SULF2: variants seen among roughly 807,000 people sequenced by gnomAD.
SULF2 encodes sulfatase 2, also known as extracellular sulfatase Sulf-2.
SULF2 carries 52 observed loss-of-function variants against 107.7 expected under a neutral mutation model. That is an observed-to-expected ratio of 0.48 (90% CI 0.39 to 0.61). SULF2 has a LOEUF of 0.61. Among genes scored for constraint, SULF2 ranks in the 20% least tolerant of loss-of-function variants. SULF2 has a pLI of 0.00. For missense variants in SULF2, 993 were observed against 1,177.3 expected (o/e 0.84, Z 2.29); for synonymous variants, 460 against 464.3 (o/e 0.99, Z 0.12).
intron 14 of SULF2, among the ~76,000 whole-genome samples, 155 bp downstream of exon 14, chr20:47,665,044 C>A (rs565257808): frequency 6.6e-6 from 1 of 152,240 alleles, no homozygotes; most frequent in Admixed American, 6.5e-5. Flanking sequence ...CACTGGCTGA[C>A]AACAGGGAGG....
intron 2 of SULF2, among the ~76,000 whole-genome samples, chr20:47,741,126 C>T (rs941221817): frequency 6.6e-6 from 1 of 152,194 alleles, no homozygotes; most frequent in African/African-American, 2.4e-5. Context: ...TCACTTATTC[C>T]CCACGGTGTA....
At chr20:47,731,514 A>C (rs537235494) in intron 3 of SULF2, among the ~76,000 whole-genome samples, 3 of 152,118 alleles carry the variant, frequency 2.0e-5, no homozygotes, top group African/African-American at 7.2e-5. Context: ...CAAAAAATTC[A>C]ATGTTTTTGA....
intron 3 of SULF2, among the ~76,000 whole-genome samples, chr20:47,719,332 C>T (rs2089219877): frequency 6.6e-6 from 1 of 152,162 alleles, no homozygotes; most frequent in Non-Finnish European, 1.5e-5. Flanking sequence ...GAGGGGTACA[C>T]CAGGTGGTGT....
chr20:47,757,871 C>T (rs566712564), intron 1 of SULF2, among the ~76,000 whole-genome samples: 7 of 152,244 alleles, frequency 4.6e-5, no homozygotes, highest in East Asian at 1.9e-4. Flanking sequence ...CTGCCCGCAC[C>T]GTGGGGTACA....
chr20:47,680,541 C>A lies in SULF2; in HGVS notation c.1065-1737G>T, dbSNP rs1298848896. Reference sequence around the variant, plus strand: ...CCTTCCCCGCTAGTTCCCTGGGGACCAGGGCAGGGCCTGGGTCCTAGGGTT... The same window carrying A: ...CCTTCCCCGCTAGTTCCCTGGGGACAAGGGCAGGGCCTGGGTCCTAGGGTT... On this transcript the variant is annotated intron_variant, in intron 7 of 20. Coordinates refer to ENST00000688720, the MANE Select transcript of SULF2 (RefSeq NM_001387048.1). This position sits in a 1 kb window ranked among gnomAD's most constrained non-coding sequence, Gnocchi z 4.2. 6.6e-6 allele frequency among the ~76,000 whole-genome samples: 1 copy of A among 152,238 alleles called. No homozygotes were observed. The highest frequency in any genetic ancestry group is 1.5e-5 in the Non-Finnish European group (1 of 68,036).
intron 3 of SULF2, among the ~76,000 whole-genome samples, chr20:47,706,052 G>C (rs1461657539): frequency 1.3e-5 from 2 of 152,036 alleles, no homozygotes; most frequent in Non-Finnish European, 2.9e-5. Context: ...ACCTGCCTCG[G>C]CCTCCCAAAG....
Position 47,672,299 on chromosome 20 carries a change from A to G in SULF2, c.1475T>C (p.Leu492Pro), listed in dbSNP as rs1489139525. 1 of 1,613,316 alleles carries G rather than the reference A, an allele frequency of 6.2e-7. No homozygotes were observed. Among genetic ancestry groups the G allele is most frequent in the Non-Finnish European group, 8.5e-7 (1 of 1,179,986 alleles). The change falls in exon 11 of 21, where the codon CTC (leucine) becomes CCC (proline). Residue 492 changes from leucine to proline, a missense_variant. By Grantham distance (98) the Leu-to-Pro change is moderately conservative. Transcript: ENST00000688720. Reference sequence around the variant, plus strand: ...GCCCTGCCCGTAGTACTTGGGCACGAGGTTGGAGAGGGCTCTGCTGCCGCC... The same window carrying G: ...GCCCTGCCCGTAGTACTTGGGCACGGGGTTGGAGAGGGCTCTGCTGCCGCC... ...RLGGSRALSN[L>P]VPKYYGQGSE...
At chr20:47,766,618 G>A (rs1192238507) in intron 1 of SULF2, among the ~76,000 whole-genome samples, 1 of 152,324 alleles carries the variant, frequency 6.6e-6, no homozygotes, top group South Asian at 2.1e-4. Context: ...TGTGGATAAA[G>A]CAGTGAAAAG....
intron 10 of SULF2, among the ~76,000 whole-genome samples, chr20:47,675,718 A>G (rs1056567053): frequency 6.6e-6 from 1 of 151,852 alleles, no homozygotes; most frequent in South Asian, 2.1e-4. Context: ...GCCAAGGCAG[A>G]GTTTCCATCC....
At chr20:47,665,400 G>T in intron 13 of SULF2, 107 bp from the exon 14 acceptor site, 2 of 803,890 alleles carry the variant, frequency 2.5e-6, no homozygotes, top group South Asian at 1.4e-5. Flanking sequence ...AGCAGCGGCA[G>T]CCTGCACTCC....
At chr20:47,769,377 T>C (rs1353276880) in intron 1 of SULF2, among the ~76,000 whole-genome samples, 1 of 150,756 alleles carries the variant, frequency 6.6e-6, no homozygotes, top group African/African-American at 2.4e-5. Context: ...TTTTTTTTTT[T>C]AGTAGAGACA....
At chr20:47,662,131 C>G (rs372564634) in intron 17 of SULF2, among the ~76,000 whole-genome samples, 8 of 152,320 alleles carry the variant, frequency 5.3e-5, no homozygotes, top group African/African-American at 1.9e-4. Flanking sequence ...AGAATAAAAA[C>G]CACGTCTGTG....
Position 47,777,407 on chromosome 20 carries a change from C to T in SULF2, c.-101+7936G>A, listed in dbSNP as rs751114946. Among the ~76,000 whole-genome samples, 26 of 152,226 alleles carry T rather than the reference C, an allele frequency of 1.7e-4. No individual in the cohort carries two copies. The South Asian group carries it at 2.7e-3, about 16-fold the overall frequency. ...AGTCCCACTTTGTAGGGTGATGCGA[C>T]GTCTGGAGCTGTGGCAGCCATATTG... On this transcript the variant is annotated intron_variant, in intron 1 of 20. Coordinates refer to ENST00000688720, the MANE Select transcript of SULF2 (RefSeq NM_001387048.1).
rs1162080693 is a variant in SULF2, at chr20:47,666,618, G to A, written c.1577-130C>T. Reference sequence around the variant, plus strand: ...AGGCTCAGCTTTGCCTGCGACTCGAGGGGTCGTGGAATCTACCCGCCTGCT... The same window carrying A: ...AGGCTCAGCTTTGCCTGCGACTCGAAGGGTCGTGGAATCTACCCGCCTGCT... On this transcript the variant is annotated intron_variant, in intron 11 of 20. Coordinates refer to ENST00000688720, the MANE Select transcript of SULF2 (RefSeq NM_001387048.1). The surrounding 1 kb of genome is among the most constrained non-coding windows in gnomAD (Gnocchi z 5.4). The A allele has an allele frequency of 1.4e-6, 1 of 733,394 alleles. No individual in the cohort carries two copies. The highest frequency in any genetic ancestry group is 1.8e-5 in the African/African-American group (1 of 56,806). The allele number at this position is 733,394 out of a possible 1,614,324, so 45.4% of individuals were successfully genotyped here. A position where few individuals can be genotyped will look rare whatever the true frequency, so the allele number is the denominator to read the frequency against.
chr20:47,658,544 C>A, intron 20 of SULF2, 152 bp from the exon 21 acceptor site: 1 of 822,706 alleles, frequency 1.2e-6, no homozygotes, highest in South Asian at 1.5e-5. Context: ...ACCACCTAGT[C>A]ACCTCAATTT....
At chr20:47,777,194 G>A (rs1024056871) in intron 1 of SULF2, among the ~76,000 whole-genome samples, 1 of 152,170 alleles carries the variant, frequency 6.6e-6, no homozygotes, top group Non-Finnish European at 1.5e-5. Context: ...TTCTAGGGAG[G>A]TGACATTTCA....
At chr20:47,720,143 C>T (rs557833806) in intron 3 of SULF2, among the ~76,000 whole-genome samples, 36 of 152,052 alleles carry the variant, frequency 2.4e-4, no homozygotes, top group Non-Finnish European at 4.4e-4. Flanking sequence ...TTATTAGAGA[C>T]GGGGTTTCAC....
At chr20:47,721,897 T>C (rs1005577941) in intron 3 of SULF2, among the ~76,000 whole-genome samples, 2 of 152,110 alleles carry the variant, frequency 1.3e-5, no homozygotes, top group Admixed American at 6.6e-5. Flanking sequence ...GCTGCTGTGA[T>C]TGGGTGAAAG....
intron 4 of SULF2, among the ~76,000 whole-genome samples, chr20:47,698,069 C>T (rs910813790): frequency 1.3e-5 from 2 of 152,150 alleles, no homozygotes; most frequent in Admixed American, 6.5e-5. Flanking sequence ...GAGGGCAGGC[C>T]GGGGGCGGCT....
Sources: gnomAD v4.1 joint callset for allele counts (sites outside exome capture counted in the v4.1 genomes callset) on GRCh38, gnomAD v4.1.1 for gene constraint, Gnocchi (gnomAD v3.1) non-coding constraint, MANE v1.5 for transcripts, NCBI Gene and HGNC (gene_info 2026-07-23, HGNC 2026-07-21) for gene names.